The following CDK14 variants were observed in gnomAD, a reference collection of about 807,000 sequenced individuals.
CDK14 encodes the protein cyclin-dependent kinase 14.
CDK14 carries 34 observed loss-of-function variants against 60.7 expected under a neutral mutation model. The observed-to-expected ratio is 0.56, with a 90% confidence interval of 0.43 to 0.75. The LOEUF is 0.75. Ranked by LOEUF, CDK14 falls within the 30% of genes least tolerant of loss-of-function variation. The probability of loss-of-function intolerance (pLI) is 0.00; values close to 1 mark genes in which losing one functional copy is unlikely to be tolerated. For missense variants in CDK14, 482 were observed against 564.1 expected (o/e 0.85, Z 1.47); for synonymous variants, 197 against 203.7 (o/e 0.97, Z 0.28).
At chr7:90,621,290 G>C (rs1443428298) in intron 2 of CDK14, among the ~76,000 whole-genome samples, 1 of 152,126 alleles carries the variant, frequency 6.6e-6, no homozygotes, top group East Asian at 1.9e-4. Context: ...TTTATTGTCT[G>C]GCAGGGGAAG....
chr7:90,740,664 C>T (rs1033685781), intron 3 of CDK14, among the ~76,000 whole-genome samples: 3 of 152,134 alleles, frequency 2.0e-5, no homozygotes, highest in Non-Finnish European at 2.9e-5. Context: ...GTTCTTGAAG[C>T]CACCAAGTAT....
At chr7:90,621,639 T>TCCTG (rs1167240084) in intron 2 of CDK14, among the ~76,000 whole-genome samples, 94 of 111,456 alleles carry the variant, frequency 8.4e-4, no homozygotes, top group African/African-American at 1.5e-3. Flanking sequence ...CTTCCTTCCT[T>TCCTG]CCTTCCTTCC....
At chr7:91,058,146 A>G (rs1205796258) in intron 11 of CDK14, among the ~76,000 whole-genome samples, 1 of 151,926 alleles carries the variant, frequency 6.6e-6, no homozygotes, top group Non-Finnish European at 1.5e-5. Context: ...GGATTCCTAG[A>G]TATTTTATTC....
chr7:90,959,120 G>C (rs3808258), intron 9 of CDK14, among the ~76,000 whole-genome samples: 11,561 of 152,128 alleles, frequency 0.076, 1,075 homozygotes, highest in East Asian at 0.47. Context: ...TTTGAACAGA[G>C]ACATAATGGA....
At chr7:90,702,990 A>G (rs1801820140) in intron 2 of CDK14, among the ~76,000 whole-genome samples, 2 of 151,354 alleles carry the variant, frequency 1.3e-5, no homozygotes, top group Admixed American at 6.6e-5. Flanking sequence ...CCAACTAGAA[A>G]ATATGTTTTC....
intron 2 of CDK14, among the ~76,000 whole-genome samples, chr7:90,706,069 C>T (rs1002281347): frequency 1.3e-5 from 2 of 152,114 alleles, no homozygotes; most frequent in Non-Finnish European, 2.9e-5. Flanking sequence ...TTGTTTTTCT[C>T]TCTGTCCACT....
chr7:90,629,439 GTGTC>G (rs1425717008), intron 2 of CDK14, among the ~76,000 whole-genome samples: 1 of 152,228 alleles, frequency 6.6e-6, no homozygotes, highest in Non-Finnish European at 1.5e-5. Flanking sequence ...ACTGGGTCTG[GTGTC>G]TGTCTGTCCC....
chr7:90,744,324 G>A (rs1012496866), intron 3 of CDK14, among the ~76,000 whole-genome samples: 1 of 152,062 alleles, frequency 6.6e-6, no homozygotes, highest in Non-Finnish European at 1.5e-5. Context: ...CACAGGGTTG[G>A]GGGTAAGGTC....
At chr7:90,972,388 TAA>T (rs1445115478) in intron 9 of CDK14, among the ~76,000 whole-genome samples, 1 of 152,226 alleles carries the variant, frequency 6.6e-6, no homozygotes, top group Non-Finnish European at 1.5e-5. Flanking sequence ...ATGAAAAGAT[TAA>T]GTCTGTTATA....
chr7:91,023,166 T>G (rs1796480141), intron 10 of CDK14, among the ~76,000 whole-genome samples: 1 of 152,248 alleles, frequency 6.6e-6, no homozygotes, highest in South Asian at 2.1e-4. Context: ...ATTATAGCAC[T>G]ACCTTATTCC....
chr7:90,687,508 A>G (rs1384857487), intron 2 of CDK14, among the ~76,000 whole-genome samples: 2 of 152,106 alleles, frequency 1.3e-5, no homozygotes, highest in African/African-American at 2.4e-5. Context: ...ACAAGGGAAA[A>G]AGATGGAAAC....
At chr7:90,903,836 A>G (rs1277431891) in intron 7 of CDK14, among the ~76,000 whole-genome samples, 1 of 152,166 alleles carries the variant, frequency 6.6e-6, no homozygotes, top group African/African-American at 2.4e-5. Flanking sequence ...ATGTACAAAT[A>G]GTATGTATTA....
intron 11 of CDK14, among the ~76,000 whole-genome samples, chr7:91,072,894 T>A (rs567110348): frequency 3.3e-5 from 5 of 151,648 alleles, no homozygotes; most frequent in Non-Finnish European, 7.4e-5. Flanking sequence ...ATAGCCAAAT[T>A]GATCAAGCAG....
At chr7:90,912,646 C>A (rs1466580072) in intron 7 of CDK14, among the ~76,000 whole-genome samples, 1 of 152,130 alleles carries the variant, frequency 6.6e-6, no homozygotes, top group Non-Finnish European at 1.5e-5. Context: ...CTCACTTGGT[C>A]GCTCAGGCTG....
intron 5 of CDK14, among the ~76,000 whole-genome samples, chr7:90,809,581 A>G (rs552632251): frequency 2.6e-5 from 4 of 152,338 alleles, no homozygotes; most frequent in East Asian, 1.9e-4. Flanking sequence ...GCAAGAGCAA[A>G]CACATTCAAA....
chr7:90,701,866 T>C (rs1801794482), intron 2 of CDK14, among the ~76,000 whole-genome samples: 1 of 152,200 alleles, frequency 6.6e-6, no homozygotes, highest in African/African-American at 2.4e-5. Context: ...TATGCTACCC[T>C]CATCTCCTAA....
chr7:90,817,949 G>T (rs772938233), intron 5 of CDK14, among the ~76,000 whole-genome samples: 2 of 152,216 alleles, frequency 1.3e-5, no homozygotes, highest in Middle Eastern at 6.8e-3. Context: ...CCAGCAGACT[G>T]TAAGCCCACA....
intron 10 of CDK14, among the ~76,000 whole-genome samples, chr7:91,012,427 G>T (rs147097959): frequency 6.6e-6 from 1 of 152,158 alleles, no homozygotes; most frequent in Non-Finnish European, 1.5e-5. Context: ...TCTTGGTACA[G>T]ATTTCTCCTC....
At chr7:91,137,694 GTGTGTGTGTGTGT>G (rs1351597589) in intron 14 of CDK14, among the ~76,000 whole-genome samples, 1 of 105,164 alleles carries the variant, frequency 9.5e-6, no homozygotes, top group African/African-American at 2.9e-5. Flanking sequence ...CTTGTGGGGG[GTGTGTGTGTGTGT>G]GTGTGTGTAT....
Sources: gnomAD v4.1 joint callset for allele counts (sites outside exome capture counted in the v4.1 genomes callset) on GRCh38, gnomAD v4.1.1 for gene constraint, MANE v1.5 for transcripts, NCBI Gene and HGNC (gene_info 2026-07-23, HGNC 2026-07-21) for gene names.